ASPA: variants seen among roughly 807,000 people sequenced by gnomAD.
ASPA encodes ACY-2.
Under a neutral mutation model 29.6 loss-of-function variants are expected in ASPA, and 25 were observed. That is an observed-to-expected ratio of 0.85 (90% confidence interval 0.62 to 1.18). The LOEUF is 1.18. Among genes scored for constraint, ASPA ranks in the 50% most tolerant of loss-of-function variants. ASPA has a pLI of 0.00. For synonymous variants in ASPA, 131 were observed against 130.3 expected (o/e 1.01, Z -0.04); for missense variants, 333 against 385.7 (o/e 0.86, Z 1.14).
At chr17:3,482,317 T>C (rs2073644891) in intron 2 of ASPA, among the ~76,000 whole-genome samples, 1 of 152,192 alleles carries the variant, frequency 6.6e-6, no homozygotes, top group Non-Finnish European at 1.5e-5. Context: ...CCATTTGATT[T>C]AGACACCCCA....
At chr17:3,493,368 C>T (rs1220291941) in intron 4 of ASPA, among the ~76,000 whole-genome samples, 2 of 152,028 alleles carry the variant, frequency 1.3e-5, no homozygotes, top group African/African-American at 4.8e-5. Flanking sequence ...CGAGACCATC[C>T]TGGCCAACAT....
chr17:3,497,398 G>A lies in ASPA; in HGVS notation c.745-1493G>A, dbSNP rs58686774. On this transcript the variant is annotated intron_variant, in intron 5 of 5. Coordinates refer to ENST00000263080, the MANE Select transcript of ASPA (RefSeq NM_000049.4). ...TATAAATGGGTAGCATGAGGGATTC[G>A]AGGAGGTGGCTGAAAGAAGCACGTA... 1.5e-3 allele frequency among the ~76,000 whole-genome samples: 227 copies of A among 152,290 alleles called. 2 individuals carry two copies. The East Asian group carries it at 0.033, about 22-fold the overall frequency.
chr17:3,474,427 T>C (rs1361358191), upstream of ASPA, among the ~76,000 whole-genome samples: 1 of 152,106 alleles, frequency 6.6e-6, no homozygotes, highest in African/African-American at 2.4e-5. Context: ...CCAAGCATAG[T>C]AGAGTGTTAA....
Position 3,483,681 on chromosome 17 carries a change from G to C in ASPA, c.526+89G>C, listed in dbSNP as rs554509318. ...TTATTTTTTATCTTATTTTATTTTT[G>C]AGACAGAGTCTTGCTCTGTCACCCA... is the stretch of plus-strand genomic sequence containing the variant. On this transcript the variant is annotated intron_variant, in intron 3 of 5. Transcript: ENST00000263080. 2.5e-5 allele frequency: 33 copies of C among 1,310,386 alleles called. No homozygotes were observed. In the East Asian group the frequency reaches 7.7e-4, roughly 31 times the overall value. 81.2% of individuals were successfully genotyped at this position (1,310,386 alleles called of 1,614,324 possible). A position where few individuals can be genotyped will look rare whatever the true frequency, so the allele number is the denominator to read the frequency against.
intron 4 of ASPA, among the ~76,000 whole-genome samples, chr17:3,489,792 T>C (rs923376): frequency 0.37 from 56,329 of 151,948 alleles, 11,396 homozygotes; most frequent in East Asian, 0.7. Context: ...TAAAGACATT[T>C]TAGAGGATAA....
In ASPA at chr17:3,485,944, T is replaced by G. The variant is rs561225180; in HGVS notation, c.526+2352T>G. ...ATTCTAGGAGGGAACCTTTTTTTTTTTTTTTGAGACGGAGTTTCGCTCTTG... is the reference window on the plus strand; with the variant it reads ...ATTCTAGGAGGGAACCTTTTTTTTTGTTTTTGAGACGGAGTTTCGCTCTTG... On this transcript the variant is annotated intron_variant, in intron 3 of 5. Transcript: ENST00000263080. This position sits in a 1 kb window ranked among gnomAD's most constrained non-coding sequence, Gnocchi z 4.4. Among the ~76,000 whole-genome samples, 113 of 151,876 alleles carry G rather than the reference T, an allele frequency of 7.4e-4. 1 individual carries two copies. In the South Asian group the frequency reaches 7.7e-3, roughly 10 times the overall value.
At chr17:3,489,168 A>C (rs573646986) in intron 3 of ASPA, 67 bp from the exon 4 acceptor site, 5 of 972,608 alleles carry the variant, frequency 5.1e-6, no homozygotes, top group Non-Finnish European at 8.1e-6. Context: ...TGATACATTA[A>C]AATGCTTAGT....
In ASPA at chr17:3,499,678, A is replaced by G. The variant is rs187792755; in HGVS notation, c.*590A>G. 1.3e-5 allele frequency: 2 copies of G among 152,456 alleles called. No homozygotes were observed. The highest frequency in any genetic ancestry group is 6.5e-5 in the Admixed American group (1 of 15,304). The allele number at this position is 152,456 out of a possible 1,614,324, so 9.4% of individuals were successfully genotyped here. ...TTTTGGGGCACCATGAATCGTGCCC[A>G]TGTGAGACTGCGAACTTAGTGAATG... On this transcript the variant is annotated 3_prime_UTR_variant, in exon 6 of 6. Coordinates refer to ENST00000263080, the MANE Select transcript of ASPA (RefSeq NM_000049.4).
intron 2 of ASPA, among the ~76,000 whole-genome samples, chr17:3,482,163 T>A (rs2073642626): frequency 6.6e-6 from 1 of 152,170 alleles, no homozygotes; most frequent in Admixed American, 6.5e-5. Context: ...GTCAATTTGT[T>A]AAAACCAAGT....
chr17:3,479,156 G>A (rs2073584011), intron 1 of ASPA, among the ~76,000 whole-genome samples: 1 of 152,122 alleles, frequency 6.6e-6, no homozygotes, highest in Admixed American at 6.5e-5. Context: ...AACTTAGTAT[G>A]GCTAATGCCC....
At position 3,499,442 on chromosome 17, in the gene ASPA, G is replaced by A. The variant is rs571924252; in HGVS notation, c.*354G>A. On this transcript the variant is annotated 3_prime_UTR_variant, in exon 6 of 6. Coordinates refer to ENST00000263080, the MANE Select transcript of ASPA (RefSeq NM_000049.4). The stretch of plus-strand genomic sequence containing the variant: ...TGTGCTTTGCCTTACTACACTTCAC[G>A]GATACTGTACTTGTACTTTTTTTCC... 3.8e-3 allele frequency: 103 copies of A among 26,828 alleles called. 1 individual carries two copies. Among genetic ancestry groups the A allele is most frequent in the African/African-American group, 7.4e-3 (97 of 13,188 alleles). The allele number at this position is 26,828 out of a possible 1,614,324, so 1.7% of individuals were successfully genotyped here.
In ASPA at chr17:3,481,734, G is replaced by A. The variant is rs1057521115; in HGVS notation, c.368G>A (p.Gly123Glu). Residue 123 changes from glycine (G) to glutamate (E), a missense_variant, in exon 2 of 6, where the codon GGG (glycine) becomes GAG (glutamate). Physicochemically the swap from Gly to Glu is moderately conservative, Grantham distance 98. Coordinates refer to ENST00000263080, the MANE Select transcript of ASPA (RefSeq NM_000049.4). ...FDLHNTTSNM[G>E]CTLILEDSRN... ...CTTCACAACACCACCTCTAACATGGGGTGCACTCTTATTCTTGAGGATTCC... is the reference window on the plus strand; with the variant it reads ...CTTCACAACACCACCTCTAACATGGAGTGCACTCTTATTCTTGAGGATTCC... 3 of 1,613,384 alleles carry A rather than the reference G, an allele frequency of 1.9e-6. No homozygotes were observed. Among genetic ancestry groups the A allele is most frequent in the Non-Finnish European group, 2.5e-6 (3 of 1,179,760 alleles).
intron 3 of ASPA, 139 bp from the exon 4 acceptor site, chr17:3,489,096 T>C: frequency 3.3e-6 from 2 of 601,830 alleles, no homozygotes; most frequent in Non-Finnish European, 5.8e-6. Flanking sequence ...ATGTCTCAAA[T>C]ATTTTCCATG....
chr17:3,477,951 G>A (rs867606160), intron 1 of ASPA, among the ~76,000 whole-genome samples: 1 of 151,748 alleles, frequency 6.6e-6, no homozygotes, highest in Non-Finnish European at 1.5e-5. Context: ...GGGAGGCTGA[G>A]GCAGGCAGAT....
intron 5 of ASPA, 95 bp downstream of exon 5, chr17:3,494,554 C>A: frequency 2.0e-6 from 2 of 991,968 alleles, no homozygotes; most frequent in Non-Finnish European, 1.6e-6. Flanking sequence ...GTACATTCGC[C>A]CATTTGATGC....
At chr17:3,491,560 A>T (rs1314928625) in intron 4 of ASPA, among the ~76,000 whole-genome samples, 6 of 152,060 alleles carry the variant, frequency 3.9e-5, no homozygotes, top group Non-Finnish European at 8.8e-5. Flanking sequence ...CAGTCTGGGC[A>T]ACATGGGGAA....
intron 3 of ASPA, among the ~76,000 whole-genome samples, chr17:3,486,551 C>T (rs2073725613): frequency 6.6e-6 from 1 of 152,092 alleles, no homozygotes; most frequent in Admixed American, 6.6e-5. Flanking sequence ...ACATGCAGCC[C>T]CACACTCTCA....
At chr17:3,486,752 T>TAAAATCTAA (rs1471713359) in intron 3 of ASPA, among the ~76,000 whole-genome samples, 2 of 152,208 alleles carry the variant, frequency 1.3e-5, no homozygotes, top group Non-Finnish European at 2.9e-5. Flanking sequence ...ATAAATAAAT[T>TAAAATCTAA]AAAATCTAAA....
At chr17:3,487,074 G>A (rs1055029517) in intron 3 of ASPA, among the ~76,000 whole-genome samples, 14 of 80,352 alleles carry the variant, frequency 1.7e-4, no homozygotes, top group South Asian at 1.2e-3. Context: ...GTGTGTGTGC[G>A]TGTGTGTGTG....
Sources: allele counts gnomAD v4.1 joint callset (sites outside exome capture counted in the v4.1 genomes callset), GRCh38; gene constraint gnomAD v4.1.1; non-coding constraint Gnocchi (gnomAD v3.1); transcripts MANE v1.5; gene names NCBI Gene and HGNC (gene_info 2026-07-23, HGNC 2026-07-21).